The following KCNN2 variants were observed in gnomAD, a reference collection of about 807,000 sequenced individuals.
KCNN2 encodes the protein potassium calcium-activated channel subfamily N member 2.
A neutral mutation model predicts 55.5 loss-of-function variants in KCNN2; 24 were observed. The observed-to-expected ratio is 0.43, with a 90% CI of 0.31 to 0.61. The LOEUF (loss-of-function observed/expected upper bound fraction) is 0.61. Among genes scored for constraint, KCNN2 ranks in the 20% least tolerant of loss-of-function variants. The probability of loss-of-function intolerance (pLI) is 0.08; values close to 1 mark genes in which losing one functional copy is unlikely to be tolerated. For synonymous variants in KCNN2, 431 were observed against 336.1 expected (o/e 1.28, Z -3.09); for missense variants, 754 against 853.6 (o/e 0.88, Z 1.45).
At chr5:114,291,000 A>G (rs1343092608) in intron 2 of KCNN2, among the ~76,000 whole-genome samples, 27 of 152,092 alleles carry the variant, frequency 1.8e-4, no homozygotes, top group Non-Finnish European at 1.6e-4. Context: ...GGCCTGACAT[A>G]TGGTCTATCC....
intron 3 of KCNN2, among the ~76,000 whole-genome samples, chr5:114,435,562 C>T (rs338662): frequency 0.99 from 151,033 of 152,182 alleles, 74,952 homozygotes; most frequent in East Asian, 1. Context: ...GGAGAAAATC[C>T]TTTAGTTTGA....
chr5:114,430,735 G>A (rs1759766651), intron 3 of KCNN2, among the ~76,000 whole-genome samples: 2 of 152,062 alleles, frequency 1.3e-5, no homozygotes, highest in South Asian at 4.1e-4. Context: ...GTAGGTTTTT[G>A]TGGATGTTTT....
At chr5:114,278,594 C>T (rs1309861788) in intron 2 of KCNN2, among the ~76,000 whole-genome samples, 1 of 152,250 alleles carries the variant, frequency 6.6e-6, no homozygotes, top group Non-Finnish European at 1.5e-5. Context: ...CCCTTCCCCA[C>T]CTTGCTCCAG....
intron 1 of KCNN2, among the ~76,000 whole-genome samples, chr5:114,109,969 A>T (rs1275345864): frequency 6.6e-6 from 1 of 152,072 alleles, no homozygotes; most frequent in Non-Finnish European, 1.5e-5. Flanking sequence ...TGATTAGTCC[A>T]TGAGGGCTCC....
In KCNN2 at chr5:114,267,156, C is replaced by T. The variant is rs571540013; in HGVS notation, c.-185+45591C>T. On this transcript the variant is annotated intron_variant, in intron 2 of 10. Transcript: ENST00000512097. ...GACTAAAGGCGTATGCCACAATGCCCAGCTAATTTTTGTGTTTGTAGTGAG... is the reference window on the plus strand; with the variant it reads ...GACTAAAGGCGTATGCCACAATGCCTAGCTAATTTTTGTGTTTGTAGTGAG... Among the ~76,000 whole-genome samples the T allele has an allele frequency of 2.0e-5, 3 of 152,204 alleles. No homozygotes were observed. In the South Asian group the frequency reaches 6.2e-4, roughly 32 times the overall value.
At chr5:114,474,850 A>AAAATACCATGTCGCCCATATGTTT (rs1250878061) in intron 5 of KCNN2, among the ~76,000 whole-genome samples, 1 of 152,120 alleles carries the variant, frequency 6.6e-6, no homozygotes, top group Non-Finnish European at 1.5e-5. Flanking sequence ...AAAATACCTT[A>AAAATACCATGTCGCCCATATGTTT]AAATACCATG....
At chr5:114,211,608 G>A (rs1753887284) in intron 1 of KCNN2, among the ~76,000 whole-genome samples, 1 of 152,046 alleles carries the variant, frequency 6.6e-6, no homozygotes, top group South Asian at 2.1e-4. Context: ...CTGTTGGGTA[G>A]TAGGCTTAGT....
At chr5:114,494,231 G>A (rs1392021302) in intron 7 of KCNN2, among the ~76,000 whole-genome samples, 1 of 146,530 alleles carries the variant, frequency 6.8e-6, no homozygotes, top group African/African-American at 2.5e-5. Context: ...CTTTGAAAGA[G>A]GCAACTCTCA....
intron 5 of KCNN2, among the ~76,000 whole-genome samples, chr5:114,477,555 A>C (rs1762026301): frequency 6.6e-6 from 1 of 152,180 alleles, no homozygotes; most frequent in African/African-American, 2.4e-5. Context: ...TTTTGAAGTG[A>C]AAACATAATA....
intron 3 of KCNN2, among the ~76,000 whole-genome samples, chr5:114,432,767 G>T (rs573690962): frequency 6.6e-6 from 1 of 152,210 alleles, no homozygotes; most frequent in African/African-American, 2.4e-5. Context: ...GGCAGGCCGC[G>T]CACGCCGAGC....
intron 1 of KCNN2, among the ~76,000 whole-genome samples, chr5:114,124,053 G>A (rs2112601179): frequency 1.3e-5 from 2 of 152,286 alleles, no homozygotes. Flanking sequence ...AATACCTCAT[G>A]CTTGTTACGG....
At chr5:114,262,150 T>C (rs1206521658) in intron 2 of KCNN2, among the ~76,000 whole-genome samples, 2 of 152,322 alleles carry the variant, frequency 1.3e-5, no homozygotes, top group African/African-American at 4.8e-5. Flanking sequence ...TATTTTCGAA[T>C]TTGGCTTCGT....
intron 1 of KCNN2, among the ~76,000 whole-genome samples, chr5:114,215,454 C>A (rs1005307424): frequency 6.6e-6 from 1 of 152,054 alleles, no homozygotes; most frequent in Admixed American, 6.6e-5. Context: ...ACACAGAACC[C>A]TTTGAGCTTG....
intron 2 of KCNN2, among the ~76,000 whole-genome samples, chr5:114,347,177 A>G (rs1209547865): frequency 1.3e-5 from 2 of 152,208 alleles, no homozygotes; most frequent in East Asian, 3.8e-4. Context: ...TATAATTGCT[A>G]CAGAAAATAA....
chr5:114,431,434 C>T (rs1371914654), intron 3 of KCNN2, among the ~76,000 whole-genome samples: 2 of 151,804 alleles, frequency 1.3e-5, no homozygotes, highest in Non-Finnish European at 2.9e-5. Flanking sequence ...AGCAGTGATG[C>T]CCCCTCTTTC....
At chr5:114,244,481 C>T (rs988294712) in intron 2 of KCNN2, among the ~76,000 whole-genome samples, 2 of 151,874 alleles carry the variant, frequency 1.3e-5, no homozygotes, top group African/African-American at 4.8e-5. Context: ...CCTGTGATCC[C>T]AGCTACTTGG....
intron 1 of KCNN2, among the ~76,000 whole-genome samples, chr5:114,138,321 C>T (rs183392804): frequency 1.8e-4 from 28 of 152,230 alleles, no homozygotes; most frequent in Admixed American, 1.8e-3. Flanking sequence ...TCTAGGAGGG[C>T]AGGGCACATG....
intron 1 of KCNN2, among the ~76,000 whole-genome samples, chr5:114,130,593 TCTTA>T (rs1752051862): frequency 6.6e-6 from 1 of 152,208 alleles, no homozygotes; most frequent in African/African-American, 2.4e-5. Context: ...TACTGCCACC[TCTTA>T]CTTGCAGAGT....
chr5:114,356,027 A>G (rs1365014176), intron 2 of KCNN2, among the ~76,000 whole-genome samples: 1 of 152,138 alleles, frequency 6.6e-6, no homozygotes, highest in Non-Finnish European at 1.5e-5. Context: ...GCCAGTGAGG[A>G]AATGTCTGTG....
Sources: gnomAD v4.1 joint callset for allele counts (sites outside exome capture counted in the v4.1 genomes callset) on GRCh38, gnomAD v4.1.1 for gene constraint, MANE v1.5 for transcripts, NCBI Gene and HGNC (gene_info 2026-07-23, HGNC 2026-07-21) for gene names.